The following AEBP2 variants were observed in gnomAD, a reference collection of about 807,000 sequenced individuals.
AEBP2 encodes AE binding protein 2.
AEBP2 carries 10 observed loss-of-function variants against 50.8 expected under a neutral mutation model. The observed-to-expected ratio is 0.20, with a 90% CI of 0.12 to 0.33. The LOEUF is 0.33. AEBP2 is among the 10% of genes least tolerant of loss of function. The pLI, the probability that AEBP2 is intolerant of heterozygous loss-of-function variation, is 1.00. For missense variants in AEBP2, 570 were observed against 688.0 expected (o/e 0.83, Z 1.92); for synonymous variants, 296 against 261.3 (o/e 1.13, Z -1.28).
intron 5 of AEBP2, among the ~76,000 whole-genome samples, chr12:19,501,798 T>TTTG (rs1491432667): frequency 6.3e-3 from 73 of 11,580 alleles, no homozygotes; most frequent in East Asian, 0.038. Flanking sequence ...AATGAGTTTG[T>TTTG]TTTTTTTTTT....
chr12:19,470,024 C>T (rs185124874), intron 2 of AEBP2, among the ~76,000 whole-genome samples: 65 of 152,170 alleles, frequency 4.3e-4, no homozygotes, highest in Admixed American at 1.5e-3. Context: ...AGATATTATA[C>T]GTCTAAAAAG....
chr12:19,441,011 A>G (rs1203637079), intron 1 of AEBP2, among the ~76,000 whole-genome samples: 1 of 152,246 alleles, frequency 6.6e-6, no homozygotes, highest in Non-Finnish European at 1.5e-5. Flanking sequence ...TTAAACACGT[A>G]TAAATGGTTG....
chr12:19,504,824 A>G (rs1949132990), intron 5 of AEBP2, among the ~76,000 whole-genome samples: 1 of 152,224 alleles, frequency 6.6e-6, no homozygotes, highest in Non-Finnish European at 1.5e-5. Flanking sequence ...AGGTATCAGT[A>G]CATTCCACTC....
chr12:19,460,677 CA>C (rs1948359724), intron 1 of AEBP2, among the ~76,000 whole-genome samples: 1 of 136,628 alleles, frequency 7.3e-6, no homozygotes, highest in Non-Finnish European at 1.6e-5. Flanking sequence ...TTTTTTGAGA[CA>C]GAGTCTAGCT....
chr12:19,457,445 T>G (rs1592732014), intron 1 of AEBP2: 2 of 1,523,504 alleles, frequency 1.3e-6, no homozygotes, highest in Non-Finnish European at 8.9e-7. Flanking sequence ...TGATACCACG[T>G]TCACGCTCAG....
chr12:19,515,651 A>C (rs979461104), intron 7 of AEBP2, among the ~76,000 whole-genome samples: 1 of 152,196 alleles, frequency 6.6e-6, no homozygotes, highest in African/African-American at 2.4e-5. Flanking sequence ...TTTTATATTA[A>C]TTAAGTGCTT....
chr12:19,457,553 A>G, intron 1 of AEBP2: 1 of 1,481,602 alleles, frequency 6.7e-7, no homozygotes, highest in South Asian at 1.3e-5. Flanking sequence ...TGTTGATGCT[A>G]CCACATTTGT....
chr12:19,497,655 T>C (rs1949007439), intron 4 of AEBP2, among the ~76,000 whole-genome samples: 1 of 152,074 alleles, frequency 6.6e-6, no homozygotes, highest in South Asian at 2.1e-4. Context: ...GTATTTTTAG[T>C]AGAGATGGGG....
rs572815340 is a variant in AEBP2 at position 19,456,530 on chromosome 12, A to G, written c.672-5980A>G. On this transcript the variant is annotated intron_variant, in intron 1 of 7. Transcript: ENST00000266508. ...CCTTCAGCTCAGCAAACTTGCATGC[A>G]GTGTGAGCCGTGTGGCAATCCAGTA... 1.0e-5 allele frequency: 16 copies of G among 1,527,060 alleles called. No individual in the cohort carries two copies. The Admixed American group carries it at 1.2e-4, about 11-fold the overall frequency. 94.6% of individuals were successfully genotyped at this position (1,527,060 alleles called of 1,614,324 possible).
upstream of AEBP2, among the ~76,000 whole-genome samples, chr12:19,439,067 T>C (rs1455576995): frequency 1.3e-5 from 2 of 152,204 alleles, no homozygotes; most frequent in East Asian, 1.9e-4. Flanking sequence ...TATTCAAACA[T>C]AGGGTGTATT....
intron 1 of AEBP2, chr12:19,457,180 A>G (rs1324137744): frequency 2.5e-6 from 4 of 1,597,758 alleles, no homozygotes; most frequent in East Asian, 4.5e-5. Context: ...CATTTTGTTA[A>G]CACCGACAAT....
intron 1 of AEBP2, among the ~76,000 whole-genome samples, chr12:19,450,472 A>G (rs1948147636): frequency 6.8e-6 from 1 of 147,960 alleles, no homozygotes; most frequent in South Asian, 2.2e-4. Flanking sequence ...GTTATGCACT[A>G]TGAATGTACA....
rs565654532 is a variant in AEBP2, at chr12:19,416,039, G to A, written c.-17+11823G>A. 3.9e-5 allele frequency among the ~76,000 whole-genome samples: 6 copies of A among 152,206 alleles called. No homozygotes were observed. The South Asian group carries it at 1.2e-3, about 32-fold the overall frequency. ...CTCTACAAAAATAGAAAAGTTAGCT[G>A]GGCATGGTGGTGCGTGCCTGTGGTC... On this transcript the variant is annotated intron_variant, in intron 1 of 3. Transcript: ENST00000538425.
intron 1 of AEBP2, among the ~76,000 whole-genome samples, chr12:19,432,278 A>T (rs144640323): frequency 8.5e-4 from 129 of 152,330 alleles, no homozygotes; most frequent in African/African-American, 2.9e-3. Flanking sequence ...GAGTAAAAAC[A>T]TAAAGGGCTG....
chr12:19,503,878 C>CTGGA (rs1209547914), intron 5 of AEBP2, among the ~76,000 whole-genome samples: 1 of 152,024 alleles, frequency 6.6e-6, no homozygotes, highest in African/African-American at 2.4e-5. Flanking sequence ...GTCATCCAGG[C>CTGGA]TGGAGTGCAG....
intron 1 of AEBP2, among the ~76,000 whole-genome samples, chr12:19,429,838 T>C (rs1462791153): frequency 6.6e-6 from 1 of 152,152 alleles, no homozygotes; most frequent in Non-Finnish European, 1.5e-5. Context: ...TTTTTTTTCT[T>C]GTAAATTTGT....
rs1949402572 is a variant in AEBP2 at position 19,521,790 on chromosome 12, T to C, written c.*3673T>C. 1 of 152,170 alleles carries C rather than the reference T, an allele frequency of 6.6e-6. No individual in the cohort carries two copies. Among genetic ancestry groups the C allele is most frequent in the South Asian group, 2.1e-4 (1 of 4,836 alleles). 9.4% of individuals were successfully genotyped at this position (152,170 alleles called of 1,614,324 possible). A position where few individuals can be genotyped will look rare whatever the true frequency, so the allele number is the denominator to read the frequency against. On this transcript the variant is annotated 3_prime_UTR_variant, in exon 8 of 8. Transcript: ENST00000266508. ...CCACAGTTGTTTAAAGCATTTTTAT[T>C]TTTTCTTTGAATTCTTAATTCATGG...
chr12:19,441,970 T>C (rs1947968587), intron 1 of AEBP2, among the ~76,000 whole-genome samples: 1 of 152,298 alleles, frequency 6.6e-6, no homozygotes, highest in East Asian at 1.9e-4. Flanking sequence ...ATAGGTATTA[T>C]TTTGACTTCT....
chr12:19,501,333 A>AG (rs983276663), intron 5 of AEBP2, among the ~76,000 whole-genome samples: 2 of 142,740 alleles, frequency 1.4e-5, no homozygotes, highest in African/African-American at 5.4e-5. Context: ...CTCCATCTCA[A>AG]AAAAAAAAAA....
Sources: allele counts gnomAD v4.1 joint callset (sites outside exome capture counted in the v4.1 genomes callset), GRCh38; gene constraint gnomAD v4.1.1; transcripts MANE v1.5; gene names NCBI Gene and HGNC (gene_info 2026-07-23, HGNC 2026-07-21).